Variants in KCNIP4 observed in about 807,000 individuals in gnomAD.
The protein encoded by KCNIP4 is potassium voltage-gated channel interacting protein 4.
Under a neutral mutation model 34.0 loss-of-function variants are expected in KCNIP4, and 12 were observed. The ratio of observed to expected loss-of-function variants is 0.35; its 90% CI spans 0.23 to 0.57. The LOEUF is 0.57. Ranked by LOEUF, KCNIP4 falls within the 20% of genes least tolerant of loss-of-function variation. The probability of loss-of-function intolerance (pLI) is 0.83; values close to 1 mark genes in which losing one functional copy is unlikely to be tolerated. For missense variants in KCNIP4, 238 were observed against 311.7 expected, an observed-to-expected ratio of 0.76 and a Z score of 1.78; for synonymous variants, 124 against 102.2, an observed-to-expected ratio of 1.21 and a Z score of -1.29.
intron 1 of KCNIP4, among the ~76,000 whole-genome samples, chr4:21,379,544 T>C (rs191902974): frequency 6.6e-6 from 1 of 152,194 alleles, no homozygotes; most frequent in African/African-American, 2.4e-5. Flanking sequence ...CTAAGATGAA[T>C]GCCTGTAAAT....
At chr4:21,580,036 A>T (rs927414374) in intron 1 of KCNIP4, among the ~76,000 whole-genome samples, 3 of 152,128 alleles carry the variant, frequency 2.0e-5, no homozygotes, top group Admixed American at 2.0e-4. Flanking sequence ...GTGCCCAAAT[A>T]TGTGTTGAAA....
At chr4:20,803,727 GAGGAAGGAAGGAAGGA>G (rs1553898989) in intron 3 of KCNIP4, among the ~76,000 whole-genome samples, 2 of 91,442 alleles carry the variant, frequency 2.2e-5, no homozygotes, top group African/African-American at 3.9e-5. Flanking sequence ...GAGAGAGAGA[GAGGAAGGAAGGAAGGA>G]AGGAAGGAAG....
chr4:21,897,299 A>C (rs186383592), intron 1 of KCNIP4, among the ~76,000 whole-genome samples: 30 of 152,294 alleles, frequency 2.0e-4, no homozygotes, highest in African/African-American at 6.7e-4. Context: ...AGTTCTAATA[A>C]GACAGTAAAA....
At chr4:21,892,806 A>G (rs193007745) in intron 1 of KCNIP4, among the ~76,000 whole-genome samples, 1 of 152,164 alleles carries the variant, frequency 6.6e-6, no homozygotes, top group Non-Finnish European at 1.5e-5. Flanking sequence ...AGATTCACCT[A>G]AGAAGATTAA....
intron 1 of KCNIP4, among the ~76,000 whole-genome samples, chr4:21,192,952 C>CTACTACTACTACTAA (rs757200407): frequency 1.4e-5 from 2 of 145,100 alleles, no homozygotes; most frequent in African/African-American, 5.1e-5. Context: ...ACTACTACTA[C>CTACTACTACTACTAA]TAATAATAAT....
intron 1 of KCNIP4, among the ~76,000 whole-genome samples, chr4:21,158,244 C>A (rs1293086120): frequency 6.6e-6 from 1 of 152,022 alleles, no homozygotes. Context: ...GGAGATTATA[C>A]AAATTCAAAG....
At chr4:21,826,191 T>A (rs1366538922) in intron 1 of KCNIP4, among the ~76,000 whole-genome samples, 1 of 152,306 alleles carries the variant, frequency 6.6e-6, no homozygotes, top group Non-Finnish European at 1.5e-5. Context: ...TTATCCTAAA[T>A]GTCTGTGTAT....
intron 3 of KCNIP4, 34 bp downstream of exon 3, chr4:20,850,509 T>C (rs1720894128): frequency 1.2e-6 from 2 of 1,604,516 alleles, no homozygotes; most frequent in Non-Finnish European, 1.7e-6. Flanking sequence ...CTCTGGGAAT[T>C]GTGTGAAGGT....
intron 1 of KCNIP4, among the ~76,000 whole-genome samples, chr4:21,800,424 A>T (rs952931399): frequency 2.0e-5 from 3 of 152,196 alleles, no homozygotes; most frequent in African/African-American, 7.2e-5. Flanking sequence ...TAGCTGAAGC[A>T]AGGATTATAA....
chr4:21,109,066 G>A (rs1748872889), intron 1 of KCNIP4, among the ~76,000 whole-genome samples: 2 of 152,178 alleles, frequency 1.3e-5, no homozygotes, highest in East Asian at 3.9e-4. Flanking sequence ...ACCCACTTGA[G>A]GAGGCAGTCT....
chr4:21,333,399 G>T (rs567608046), intron 1 of KCNIP4, among the ~76,000 whole-genome samples: 2 of 150,692 alleles, frequency 1.3e-5, no homozygotes, highest in African/African-American at 4.9e-5. Context: ...AAATCAGTAA[G>T]CCTTAATTGA....
chr4:21,931,727 C>T (rs1729577880), intron 1 of KCNIP4, among the ~76,000 whole-genome samples: 1 of 151,938 alleles, frequency 6.6e-6, no homozygotes, highest in African/African-American at 2.4e-5. Flanking sequence ...TGAATAGTGC[C>T]GCAATAAACA....
At chr4:20,914,026 G>A (rs1728577041) in intron 1 of KCNIP4, among the ~76,000 whole-genome samples, 1 of 151,966 alleles carries the variant, frequency 6.6e-6, no homozygotes, top group Non-Finnish European at 1.5e-5. Flanking sequence ...GTGTGGTGGT[G>A]GGTGCCTGTA....
intron 1 of KCNIP4, among the ~76,000 whole-genome samples, chr4:21,612,029 G>A (rs1744198553): frequency 6.6e-6 from 1 of 152,188 alleles, no homozygotes; most frequent in Admixed American, 6.5e-5. Context: ...CCATTAGAGT[G>A]AAGACATAAT....
intron 1 of KCNIP4, among the ~76,000 whole-genome samples, chr4:20,983,268 A>C (rs1330674908): frequency 6.6e-6 from 1 of 152,208 alleles, no homozygotes; most frequent in East Asian, 1.9e-4. Context: ...GGGGAATGCA[A>C]ATGAAACACT....
chr4:21,586,570 C>T (rs1234438474), intron 1 of KCNIP4, among the ~76,000 whole-genome samples: 1 of 151,806 alleles, frequency 6.6e-6, no homozygotes, highest in Non-Finnish European at 1.5e-5. Flanking sequence ...TTAAAAGGTT[C>T]CAAAAAGAAA....
At chr4:21,761,102 T>C (rs1176076574) in intron 1 of KCNIP4, among the ~76,000 whole-genome samples, 5 of 152,026 alleles carry the variant, frequency 3.3e-5, no homozygotes. Flanking sequence ...ATTAAGAACA[T>C]CCTCTAATAA....
chr4:20,776,758 C>A (rs1019236655), intron 3 of KCNIP4, among the ~76,000 whole-genome samples: 1 of 152,108 alleles, frequency 6.6e-6, no homozygotes, highest in African/African-American at 2.4e-5. Flanking sequence ...GTCAGCTTAA[C>A]AAATCTAGCT....
At chr4:20,898,616 G>A (rs1221598768) in intron 1 of KCNIP4, among the ~76,000 whole-genome samples, 1 of 152,102 alleles carries the variant, frequency 6.6e-6, no homozygotes, top group Non-Finnish European at 1.5e-5. Context: ...ATTCCTTGAG[G>A]GCAGAGGTTT....
Sources: allele counts gnomAD v4.1 joint callset (sites outside exome capture counted in the v4.1 genomes callset), GRCh38; gene constraint gnomAD v4.1.1; transcripts MANE v1.5; gene names NCBI Gene and HGNC (gene_info 2026-07-23, HGNC 2026-07-21).